The following ADGRB3 variants were observed in gnomAD, a reference collection of about 807,000 sequenced individuals.
The protein encoded by ADGRB3 is brain-specific angiogenesis inhibitor 3.
ADGRB3 carries 37 observed loss-of-function variants against 193.4 expected under a neutral mutation model. That is an observed-to-expected ratio of 0.19 (90% confidence interval 0.15 to 0.25). The LOEUF is 0.25. Among genes scored for constraint, ADGRB3 ranks in the 10% least tolerant of loss-of-function variants. The pLI is 1.00. For synonymous variants in ADGRB3, 690 were observed against 644.2 expected (o/e 1.07, Z -1.08); for missense variants, 1,637 against 1,852.9 (o/e 0.88, Z 2.14).
At chr6:68,875,691 TATTTTAA>T (rs1359146680) in intron 3 of ADGRB3, among the ~76,000 whole-genome samples, 3 of 152,104 alleles carry the variant, frequency 2.0e-5, no homozygotes, top group Admixed American at 6.6e-5. Context: ...AGTATTACAG[TATTTTAA>T]ATATCAACTA....
At chr6:68,684,198 G>C (rs892837869) in intron 3 of ADGRB3, among the ~76,000 whole-genome samples, 1 of 152,072 alleles carries the variant, frequency 6.6e-6, no homozygotes. Context: ...AGTCTTGATA[G>C]CTCTCATGTC....
intron 6 of ADGRB3, among the ~76,000 whole-genome samples, chr6:68,945,282 T>C (rs1020096437): frequency 3.3e-5 from 5 of 152,096 alleles, no homozygotes; most frequent in African/African-American, 9.7e-5. Context: ...TTATTAATTC[T>C]GTGAATTATG....
intron 20 of ADGRB3, among the ~76,000 whole-genome samples, chr6:69,257,978 C>T (rs766664508): frequency 1.5e-4 from 23 of 152,078 alleles, no homozygotes; most frequent in South Asian, 4.1e-4. Flanking sequence ...AGTGTATTTA[C>T]GCAGCTTTCC....
chr6:68,704,991 T>C (rs568388555), intron 3 of ADGRB3, among the ~76,000 whole-genome samples: 60 of 152,336 alleles, frequency 3.9e-4, no homozygotes, highest in African/African-American at 1.4e-3. Context: ...ACAAAATGCA[T>C]TTATAAATAG....
At chr6:69,193,337 A>G (rs1021948260) in intron 17 of ADGRB3, among the ~76,000 whole-genome samples, 1 of 152,142 alleles carries the variant, frequency 6.6e-6, no homozygotes, top group Non-Finnish European at 1.5e-5. Flanking sequence ...ATGATAACTA[A>G]AACAAAAACT....
intron 11 of ADGRB3, among the ~76,000 whole-genome samples, chr6:68,996,785 A>G (rs1036507483): frequency 6.6e-6 from 1 of 152,154 alleles, no homozygotes; most frequent in Non-Finnish European, 1.5e-5. Context: ...GGAAAAAAAG[A>G]CATGTTTCTG....
chr6:69,295,956 T>TA (rs1297889967), intron 20 of ADGRB3, among the ~76,000 whole-genome samples: 1 of 152,178 alleles, frequency 6.6e-6, no homozygotes, highest in Non-Finnish European at 1.5e-5. Flanking sequence ...GGAAATCTTG[T>TA]TGACTTGGGA....
intron 3 of ADGRB3, among the ~76,000 whole-genome samples, chr6:68,725,272 A>G (rs1765653211): frequency 6.6e-6 from 1 of 151,702 alleles, no homozygotes; most frequent in Non-Finnish European, 1.5e-5. Flanking sequence ...TTTAGGATTT[A>G]TCCCACATAT....
At chr6:69,132,968 C>G (rs1236440463) in intron 17 of ADGRB3, among the ~76,000 whole-genome samples, 1 of 152,112 alleles carries the variant, frequency 6.6e-6, no homozygotes, top group Non-Finnish European at 1.5e-5. Flanking sequence ...GGGCTCTGTT[C>G]TGTTCCATTG....
chr6:69,074,686 A>T (rs1029614722), intron 16 of ADGRB3, among the ~76,000 whole-genome samples: 2 of 151,858 alleles, frequency 1.3e-5, no homozygotes, highest in African/African-American at 4.8e-5. Context: ...CTGGGACTAC[A>T]GGCGCCTGCC....
Position 68,842,052 on chromosome 6 carries a change from T to A in ADGRB3, c.758-88507T>A, listed in dbSNP as rs62418574. Among the ~76,000 whole-genome samples the A allele has an allele frequency of 3.1e-3, 466 of 152,126 alleles. 1 individual carries two copies. Among genetic ancestry groups the A allele is most frequent in the Non-Finnish European group, 5.7e-3 (384 of 67,920 alleles). ...TTTTTGCAACACAAAAGATAAATGC[T>A]TGAGGAAGTGGATACCCTATTTACC... On this transcript the variant is annotated intron_variant, in intron 3 of 31. Transcript: ENST00000370598.
chr6:69,204,715 A>G (rs962644203), intron 17 of ADGRB3, among the ~76,000 whole-genome samples: 4 of 152,174 alleles, frequency 2.6e-5, no homozygotes, highest in African/African-American at 7.2e-5. Flanking sequence ...AATTAAAAGA[A>G]TCATCTCCTA....
chr6:68,710,185 A>T (rs1204885778), intron 3 of ADGRB3, among the ~76,000 whole-genome samples: 1 of 152,150 alleles, frequency 6.6e-6, no homozygotes, highest in Non-Finnish European at 1.5e-5. Context: ...CTTTTGTAGA[A>T]AAGTGTTCTG....
At chr6:69,333,773 C>CA (rs1224045447) in intron 24 of ADGRB3, among the ~76,000 whole-genome samples, 2 of 150,180 alleles carry the variant, frequency 1.3e-5, no homozygotes, top group East Asian at 3.9e-4. Context: ...ACTAAAAATG[C>CA]AAAAAAATTA....
chr6:68,714,624 G>C (rs976216539), intron 3 of ADGRB3, among the ~76,000 whole-genome samples: 10 of 151,868 alleles, frequency 6.6e-5, no homozygotes, highest in Non-Finnish European at 1.3e-4. Flanking sequence ...AAATACTGAA[G>C]GGTTTGTAAA....
intron 3 of ADGRB3, among the ~76,000 whole-genome samples, chr6:68,706,637 A>G (rs1032649553): frequency 6.6e-6 from 1 of 152,194 alleles, no homozygotes; most frequent in South Asian, 2.1e-4. Context: ...CATCTATGCA[A>G]TGGGGATAAT....
chr6:69,369,695 CAAAAAAAA>C (rs913608447), intron 29 of ADGRB3, among the ~76,000 whole-genome samples: 9 of 59,522 alleles, frequency 1.5e-4, no homozygotes, highest in African/African-American at 2.7e-4. Context: ...AAGACCATTT[CAAAAAAAA>C]AAAAAAAAAA....
intron 17 of ADGRB3, among the ~76,000 whole-genome samples, chr6:69,082,355 G>A (rs906095045): frequency 1.3e-5 from 2 of 151,956 alleles, no homozygotes; most frequent in Non-Finnish European, 2.9e-5. Flanking sequence ...CATTAGTTCT[G>A]GAAATTCTCT....
intron 3 of ADGRB3, among the ~76,000 whole-genome samples, chr6:68,905,909 C>A (rs1326638765): frequency 6.6e-6 from 1 of 151,896 alleles, no homozygotes; most frequent in Non-Finnish European, 1.5e-5. Flanking sequence ...ATCTAGTTTC[C>A]CTCTCTATAT....
Sources: gnomAD v4.1 joint callset for allele counts (sites outside exome capture counted in the v4.1 genomes callset) on GRCh38, gnomAD v4.1.1 for gene constraint, MANE v1.5 for transcripts, NCBI Gene and HGNC (gene_info 2026-07-23, HGNC 2026-07-21) for gene names.